CSMD3: variants seen among roughly 807,000 people sequenced by gnomAD.
CSMD3 encodes the protein CUB and sushi domain-containing protein 3.
In CSMD3, 177 loss-of-function variants were observed where a neutral mutation model predicts 435.2. The ratio of observed to expected loss-of-function variants is 0.41; its 90% CI spans 0.36 to 0.46. The LOEUF is 0.46. Ranked by LOEUF, CSMD3 falls within the 20% of genes least tolerant of loss-of-function variation. The pLI is 0.34. For synonymous variants in CSMD3, 1,656 were observed against 1,520.5 expected, an observed-to-expected ratio of 1.09 and a Z score of -2.07; for missense variants, 4,265 against 4,504.6, an observed-to-expected ratio of 0.95 and a Z score of 1.52.
At chr8:112,483,311 C>T (rs1819809336) in intron 31 of CSMD3, among the ~76,000 whole-genome samples, 1 of 151,816 alleles carries the variant, frequency 6.6e-6, no homozygotes, top group African/African-American at 2.4e-5. Flanking sequence ...GCCAACATGG[C>T]AGAATTCCAT....
chr8:112,423,223 G>C (rs983234998), intron 32 of CSMD3, among the ~76,000 whole-genome samples: 8 of 151,876 alleles, frequency 5.3e-5, no homozygotes, highest in Admixed American at 5.2e-4. Flanking sequence ...ATGCTAACCT[G>C]GGAAGGTGAA....
chr8:112,555,064 G>C (rs555299403), intron 25 of CSMD3, among the ~76,000 whole-genome samples: 5 of 151,940 alleles, frequency 3.3e-5, no homozygotes, highest in African/African-American at 1.2e-4. Context: ...ACTGTTTATA[G>C]CTGCTAAATT....
intron 1 of CSMD3, among the ~76,000 whole-genome samples, chr8:113,433,586 G>A (rs115970593): frequency 2.0e-5 from 3 of 152,304 alleles, no homozygotes; most frequent in African/African-American, 7.2e-5. Flanking sequence ...TCGCTCTGGC[G>A]AGAATCCCTG....
In CSMD3 at chr8:112,733,391, T is replaced by A. The variant is rs559204224; in HGVS notation, c.1973-43341A>T. ...ATAAGTGCTTGTTAGTTTTTTTTTTTAAATTAACATTAAGTAAAGTCTTTA... is the reference window on the plus strand; with the variant it reads ...ATAAGTGCTTGTTAGTTTTTTTTTTAAAATTAACATTAAGTAAAGTCTTTA... On this transcript the variant is annotated intron_variant, in intron 13 of 70. Transcript: ENST00000297405. Among the ~76,000 whole-genome samples the A allele has an allele frequency of 3.7e-3, 565 of 151,960 alleles. 4 individuals are homozygous for A. Among genetic ancestry groups the A allele is most frequent in the African/African-American group, 0.012 (491 of 41,482 alleles).
At chr8:113,077,027 T>A (rs991293193) in intron 5 of CSMD3, among the ~76,000 whole-genome samples, 1 of 152,204 alleles carries the variant, frequency 6.6e-6, no homozygotes, top group Non-Finnish European at 1.5e-5. Context: ...ATATGAGGGA[T>A]CATTGTGATG....
intron 1 of CSMD3, among the ~76,000 whole-genome samples, chr8:113,350,488 T>C (rs1183689937): frequency 6.6e-6 from 1 of 152,132 alleles, no homozygotes; most frequent in South Asian, 2.1e-4. Context: ...ACAACTCTCT[T>C]GAATTTATTG....
chr8:112,400,973 G>A (rs747627231), intron 35 of CSMD3, among the ~76,000 whole-genome samples: 61 of 152,118 alleles, frequency 4.0e-4, no homozygotes, highest in Non-Finnish European at 7.5e-4. Flanking sequence ...TTGGGAGGCC[G>A]AGGCAGATAG....
At chr8:112,226,968 C>T (rs949643674) in intron 70 of CSMD3, among the ~76,000 whole-genome samples, 1 of 152,032 alleles carries the variant, frequency 6.6e-6, no homozygotes. Context: ...TATCCATTGC[C>T]GATAGGAATG....
intron 2 of CSMD3, among the ~76,000 whole-genome samples, chr8:113,295,435 A>C (rs537844321): frequency 6.6e-6 from 1 of 152,348 alleles, no homozygotes; most frequent in South Asian, 2.1e-4. Flanking sequence ...GTATTAGAAG[A>C]ACAAAATGTT....
intron 36 of CSMD3, among the ~76,000 whole-genome samples, chr8:112,386,688 G>A (rs1554663817): frequency 2.0e-5 from 3 of 152,052 alleles, no homozygotes; most frequent in Non-Finnish European, 2.9e-5. Flanking sequence ...TAGTAGAGAC[G>A]GGGTTTCACT....
chr8:112,926,435 ATT>A (rs1228027542), intron 9 of CSMD3, among the ~76,000 whole-genome samples: 1 of 152,136 alleles, frequency 6.6e-6, no homozygotes, highest in African/African-American at 2.4e-5. Flanking sequence ...CTGATACAAC[ATT>A]TCAAAACAAA....
chr8:112,265,179 T>C (rs1327501864), intron 60 of CSMD3, among the ~76,000 whole-genome samples: 1 of 152,060 alleles, frequency 6.6e-6, no homozygotes, highest in African/African-American at 2.4e-5. Flanking sequence ...TTTTGTTACA[T>C]TAAAGCTTAT....
chr8:112,628,297 C>T (rs1293236337), intron 22 of CSMD3, among the ~76,000 whole-genome samples: 1 of 152,014 alleles, frequency 6.6e-6, no homozygotes, highest in East Asian at 1.9e-4. Flanking sequence ...ATTTTCTCAC[C>T]ATATTCAATT....
At chr8:112,997,519 T>C (rs921279294) in intron 6 of CSMD3, among the ~76,000 whole-genome samples, 2 of 151,616 alleles carry the variant, frequency 1.3e-5, no homozygotes, top group Non-Finnish European at 3.0e-5. Context: ...CATTTTTGAC[T>C]AGGGAATTTA....
At chr8:113,227,702 G>C (rs1349946879) in intron 3 of CSMD3, among the ~76,000 whole-genome samples, 1 of 151,578 alleles carries the variant, frequency 6.6e-6, no homozygotes, top group Non-Finnish European at 1.5e-5. Flanking sequence ...TGAAGAAGAT[G>C]CTTGCTTTTC....
Position 112,865,245 on chromosome 8 carries a change from T to C in CSMD3, c.1634-5979A>G, listed in dbSNP as rs78862751. Among the ~76,000 whole-genome samples, 784 of 152,292 alleles carry C rather than the reference T, an allele frequency of 5.1e-3. 14 individuals carry two copies. Among genetic ancestry groups the C allele is most frequent in the African/African-American group, 0.018 (756 of 41,566 alleles). On this transcript the variant is annotated intron_variant, in intron 10 of 70. Transcript: ENST00000297405. The stretch of plus-strand genomic sequence containing the variant: ...TTTGTGCCAGATACAATGTTTCAAC[T>C]ACACAAGTAAGACAGGCTGACATTT...
At position 112,700,160 on chromosome 8, in the gene CSMD3, C is replaced by T. The variant is rs546271547; in HGVS notation, c.1973-10110G>A. 1.1e-4 allele frequency among the ~76,000 whole-genome samples: 16 copies of T among 152,066 alleles called. No homozygotes were observed. In the South Asian group the frequency reaches 2.5e-3, roughly 24 times the overall value. ...TTTGCAACTTGTTCTCAAATCATTC[C>T]GTAGTAGTTTTAAAACATGTCTGCA... On this transcript the variant is annotated intron_variant, in intron 13 of 70. Transcript: ENST00000297405.
chr8:112,858,995 A>T, intron 11 of CSMD3, 150 bp downstream of exon 11: 1 of 639,936 alleles, frequency 1.6e-6, no homozygotes, highest in Non-Finnish European at 2.7e-6. Flanking sequence ...TTCTCATATA[A>T]ATCTGGTTTA....
At chr8:113,188,881 A>G (rs1275612821) in intron 3 of CSMD3, among the ~76,000 whole-genome samples, 1 of 151,828 alleles carries the variant, frequency 6.6e-6, no homozygotes, top group Non-Finnish European at 1.5e-5. Flanking sequence ...ATTAATAGGA[A>G]CTCACTGATT....
Sources: allele counts gnomAD v4.1 joint callset (sites outside exome capture counted in the v4.1 genomes callset), GRCh38; gene constraint gnomAD v4.1.1; transcripts MANE v1.5; gene names NCBI Gene and HGNC (gene_info 2026-07-23, HGNC 2026-07-21).